Variants in PRKD2 observed in about 807,000 individuals in gnomAD.
The protein encoded by PRKD2 is serine/threonine-protein kinase D2.
PRKD2 carries 22 observed loss-of-function variants against 86.0 expected under a neutral mutation model. The observed-to-expected ratio is 0.26, with a 90% CI of 0.18 to 0.37. PRKD2 has a LOEUF of 0.37. PRKD2 is among the 10% of genes least tolerant of loss of function. The probability of loss-of-function intolerance (pLI) is 1.00; values close to 1 mark genes in which losing one functional copy is unlikely to be tolerated. For synonymous variants in PRKD2, 509 were observed against 510.9 expected (o/e 1.00, Z 0.05); for missense variants, 818 against 1,199.2 (o/e 0.68, Z 4.70).
chr19:46,708,347 G>C (rs933128182), intron 3 of PRKD2, among the ~76,000 whole-genome samples: 1 of 117,160 alleles, frequency 8.5e-6, no homozygotes, highest in Non-Finnish European at 1.6e-5. Context: ...TGAGACAATC[G>C]TGTTCTGTCA....
intron 7 of PRKD2, among the ~76,000 whole-genome samples, chr19:46,699,308 T>A (rs2053605252): frequency 6.6e-6 from 1 of 152,142 alleles, no homozygotes; most frequent in South Asian, 2.1e-4. Context: ...CTCCATCTCC[T>A]CTTGTTTTTA....
At chr19:46,690,221 C>G (rs532378405) in intron 13 of PRKD2, among the ~76,000 whole-genome samples, 2 of 152,320 alleles carry the variant, frequency 1.3e-5, no homozygotes, top group Admixed American at 1.3e-4. Context: ...CCCACTCAGC[C>G]TCCTGGCTAC....
chr19:46,684,069 T>A (rs1296003825), intron 14 of PRKD2, among the ~76,000 whole-genome samples: 2 of 152,190 alleles, frequency 1.3e-5, no homozygotes, highest in African/African-American at 4.8e-5. Context: ...GGAGTTTAAA[T>A]ACTTGTGTAT....
intron 2 of PRKD2, among the ~76,000 whole-genome samples, chr19:46,712,341 G>GACCAGC (rs756430220): frequency 6.6e-5 from 10 of 151,288 alleles, no homozygotes; most frequent in Non-Finnish European, 1.5e-4. Flanking sequence ...AGCAGTTCGA[G>GACCAGC]ACCAGCCTGG....
rs1448737424 is a variant in PRKD2 at position 46,693,938 on chromosome 19, G to A, written c.1513C>T (p.Arg505Cys). 7.4e-6 allele frequency: 12 copies of A among 1,611,050 alleles called. No homozygotes were observed. Among genetic ancestry groups the A allele is most frequent in the South Asian group, 2.2e-5 (2 of 91,044 alleles). The change falls in exon 10 of 18, where the codon CGC (arginine) becomes TGC (cysteine). Residue 505 changes from arginine to cysteine, a missense_variant. Around this residue, in one of 5 missense-constraint regions of PRKD2, gnomAD observed 127 missense variants for 157.8 expected, o/e 0.80. Transcript: ENST00000291281. This position sits in a 1 kb window ranked among gnomAD's most constrained non-coding sequence, Gnocchi z 4.5. ...AGGATGACGGGCATCAGGGCCTGGCGGATGGCTGTCTCCCAGCCCCGGGCG... is the reference window on the plus strand; with the variant it reads ...AGGATGACGGGCATCAGGGCCTGGCAGATGGCTGTCTCCCAGCCCCGGGCG... ...EAARGWETAI[R>C]QALMPVILQD...
intron 14 of PRKD2, chr19:46,685,767 G>C (rs2053387756): frequency 6.6e-6 from 1 of 152,316 alleles, no homozygotes. Context: ...TGGGCAACAT[G>C]ATGAAACCCC....
At chr19:46,702,134 G>A (rs780563233) in intron 5 of PRKD2, among the ~76,000 whole-genome samples, 1 of 150,912 alleles carries the variant, frequency 6.6e-6, no homozygotes, top group Non-Finnish European at 1.5e-5. Flanking sequence ...TGCCTCCCAG[G>A]CTCAAGCGAT....
rs569602509 is a variant in PRKD2 at position 46,674,733 on chromosome 19, C to T, written c.2427G>A (p.Glu809=). The T allele has an allele frequency of 1.2e-4, 192 of 1,603,586 alleles. 4 individuals are homozygous for T. The South Asian group carries it at 2.1e-3, about 17-fold the overall frequency. Residue 809 remains glutamate, a splice_region_variant and synonymous_variant, in exon 18 of 18, where the codon GAG becomes GAA. Transcript: ENST00000291281. ...DKSLSHPWLQ[E]YQTWLDLREL... is the part of the protein sequence containing the mutation. ...CTCGGAGGTCCAGCCACGTCTGGTA[C>T]TCCTGGGCCCGAGAGAACTGGGGTT...
At position 46,682,766 on chromosome 19, in the gene PRKD2, C is replaced by T. The variant is rs78526671; in HGVS notation, c.1972-1018G>A. ...TGTCACTCAGGCCAGAGCACAGAGG[C>T]GGGATCACAGCTCACTGCACCTCGA... On this transcript the variant is annotated intron_variant, in intron 14 of 17. Transcript: ENST00000291281. 1.4e-3 allele frequency among the ~76,000 whole-genome samples: 202 copies of T among 140,148 alleles called. 1 individual carries two copies. Among genetic ancestry groups the T allele is most frequent in the African/African-American group, 5.1e-3 (190 of 37,364 alleles). 91.9% of individuals were successfully genotyped at this position (140,148 alleles called of 152,430 possible).
rs1568738157 is a variant in PRKD2, at chr19:46,711,404, TTG to T, written c.380-368_380-367del. Among the ~76,000 whole-genome samples the T allele has an allele frequency of 4.6e-5, 7 of 152,248 alleles. No individual in the cohort carries two copies. In the South Asian group the frequency reaches 1.4e-3, roughly 32 times the overall value. On this transcript the variant is annotated intron_variant, in intron 2 of 17. Transcript: ENST00000291281. ...CTTAAAATGTTGTGGGCTTTTTTGT[TTG>T]TGTTTGTTAGAGAGTTTCACTCTGT...
chr19:46,696,001 G>A (rs955831492), intron 9 of PRKD2, among the ~76,000 whole-genome samples: 6 of 152,058 alleles, frequency 3.9e-5, no homozygotes, highest in Non-Finnish European at 8.8e-5. Flanking sequence ...ACCATGCCCA[G>A]CTAATTTTTG....
chr19:46,686,734 G>A (rs1481105525), intron 14 of PRKD2, among the ~76,000 whole-genome samples: 2 of 151,626 alleles, frequency 1.3e-5, no homozygotes, highest in African/African-American at 2.4e-5. Context: ...GGTGGATCAC[G>A]AGGTCAGGAG....
intron 14 of PRKD2, 58 bp downstream of exon 14, chr19:46,689,479 C>T: frequency 1.3e-6 from 2 of 1,539,576 alleles, no homozygotes; most frequent in Non-Finnish European, 1.8e-6. Flanking sequence ...CATACAGGGC[C>T]TCTCCAAGCT....
intron 3 of PRKD2, among the ~76,000 whole-genome samples, chr19:46,707,145 G>A (rs1258353547): frequency 6.6e-6 from 1 of 152,074 alleles, no homozygotes; most frequent in African/African-American, 2.4e-5. Context: ...GCCCGCCTTG[G>A]CCTCCCAAAG....
At chr19:46,686,593 A>C (rs1453643512) in intron 14 of PRKD2, among the ~76,000 whole-genome samples, 1 of 151,986 alleles carries the variant, frequency 6.6e-6, no homozygotes, top group Non-Finnish European at 1.5e-5. Flanking sequence ...TTGAGGCTGC[A>C]GTGAACTATG....
rs537853963 is a variant in PRKD2 at position 46,679,800 on chromosome 19, T to A, written c.2071-1137A>T. Among the ~76,000 whole-genome samples the A allele has an allele frequency of 1.5e-3, 229 of 152,230 alleles. 2 individuals carry two copies. The highest frequency in any genetic ancestry group is 3.4e-3 in the Middle Eastern group (1 of 294). On this transcript the variant is annotated intron_variant, in intron 15 of 17. Coordinates refer to ENST00000291281, the MANE Select transcript of PRKD2 (RefSeq NM_016457.5). ...CCACCATGCCTGGCTAATTTTTGTA[T>A]TTTTAGTAGAGACGACATTTCACCA...
intron 13 of PRKD2, 143 bp from the exon 14 acceptor site, chr19:46,689,841 A>T: frequency 5.7e-6 from 5 of 875,026 alleles, no homozygotes; most frequent in Non-Finnish European, 8.7e-6. Flanking sequence ...GGGGCTTCCC[A>T]CAGGCCAAGA....
chr19:46,710,566 C>T, intron 3 of PRKD2: 1 of 260,810 alleles, frequency 3.8e-6, no homozygotes, highest in Non-Finnish European at 7.4e-6. Flanking sequence ...TATATCTCCT[C>T]CTGGATGTTT....
rs1288767225 is a variant in PRKD2 at position 46,710,828 on chromosome 19, C to T, written c.511+79G>A. The T allele has an allele frequency of 3.5e-6, 5 of 1,422,654 alleles. No individual in the cohort carries two copies. The East Asian group carries it at 1.0e-4, about 29-fold the overall frequency. The allele number at this position is 1,422,654 out of a possible 1,614,324, so 88.1% of individuals were successfully genotyped here. ...GACCCGCTCCTCCTCCCCACGCTGT[C>T]CCCGTGCCAGGACCATTACGCTCCG... On this transcript the variant is annotated intron_variant, in intron 3 of 17. Coordinates refer to ENST00000291281, the MANE Select transcript of PRKD2 (RefSeq NM_016457.5).
Sources: allele counts gnomAD v4.1 joint callset (sites outside exome capture counted in the v4.1 genomes callset), GRCh38; gene constraint gnomAD v4.1.1; regional missense constraint gnomAD v4.1.1; non-coding constraint Gnocchi (gnomAD v3.1); transcripts MANE v1.5; gene names NCBI Gene and HGNC (gene_info 2026-07-23, HGNC 2026-07-21).